Variants in NKAIN2 observed in about 807,000 individuals in gnomAD.
NKAIN2 encodes sodium/potassium-transporting ATPase subunit beta-1-interacting protein 2.
NKAIN2 carries 14 observed loss-of-function variants against 32.6 expected under a neutral mutation model. The observed-to-expected ratio is 0.43, with a 90% CI of 0.28 to 0.67. NKAIN2 has a LOEUF of 0.67. NKAIN2 is among the 30% of genes least tolerant of loss of function. The pLI, the probability that NKAIN2 is intolerant of heterozygous loss-of-function variation, is 0.17. For missense variants in NKAIN2, 198 were observed against 258.3 expected (o/e 0.77, Z 1.60); for synonymous variants, 80 against 87.2 (o/e 0.92, Z 0.46).
intron 1 of NKAIN2, among the ~76,000 whole-genome samples, chr6:124,205,372 T>C (rs967824036): frequency 6.6e-6 from 1 of 150,474 alleles, no homozygotes; most frequent in East Asian, 2.0e-4. Context: ...TAAAAAAAAA[T>C]CTCTTAATTT....
At chr6:124,730,803 C>T (rs923588736) in intron 4 of NKAIN2, among the ~76,000 whole-genome samples, 2 of 151,508 alleles carry the variant, frequency 1.3e-5, no homozygotes, top group Non-Finnish European at 2.9e-5. Flanking sequence ...ATTTTTGCAA[C>T]CTACTCATCT....
At position 124,471,807 on chromosome 6, in the gene NKAIN2, AT is replaced by A. The variant is rs546148235; in HGVS notation, c.273+116466del. Among the ~76,000 whole-genome samples, 835 of 152,250 alleles carry A rather than the reference AT, an allele frequency of 5.5e-3. 14 individuals carry two copies. Among genetic ancestry groups the A allele is most frequent in the African/African-American group, 0.018 (764 of 41,556 alleles). ...TCTATCATATTTGTTTTTACGTATT[AT>A]TTTTTATGCCATTAATTGTATAAGT... On this transcript the variant is annotated intron_variant, in intron 3 of 6. Transcript: ENST00000368417.
chr6:124,324,813 A>T (rs907358473), intron 2 of NKAIN2, among the ~76,000 whole-genome samples: 1 of 152,024 alleles, frequency 6.6e-6, no homozygotes, highest in African/African-American at 2.4e-5. Flanking sequence ...TTTTTTCTAC[A>T]TCAAATGATA....
At chr6:124,065,937 A>G (rs1783151890) in intron 1 of NKAIN2, among the ~76,000 whole-genome samples, 1 of 152,196 alleles carries the variant, frequency 6.6e-6, no homozygotes, top group African/African-American at 2.4e-5. Flanking sequence ...ATAGATACAT[A>G]ATCTACAGTT....
In NKAIN2 at chr6:124,517,502, A is replaced by G. The variant is rs1778959468; in HGVS notation, c.274-140684A>G. On this transcript the variant is annotated intron_variant, in intron 3 of 6. Transcript: ENST00000368417. ...TGCCCTCCACCTCCATCAATGTGCTAATCAGTTTCCTTACTCAGGCTTTAA... is the reference window on the plus strand; with the variant it reads ...TGCCCTCCACCTCCATCAATGTGCTGATCAGTTTCCTTACTCAGGCTTTAA... Among the ~76,000 whole-genome samples, 3 of 152,092 alleles carry G rather than the reference A, an allele frequency of 2.0e-5. No homozygotes were observed. In the South Asian group the frequency reaches 6.2e-4, roughly 32 times the overall value.
Position 124,096,179 on chromosome 6 carries a change from A to T in NKAIN2, c.55-186826A>T, listed in dbSNP as rs188001416. Among the ~76,000 whole-genome samples, 11 of 152,360 alleles carry T rather than the reference A, an allele frequency of 7.2e-5. No individual in the cohort carries two copies. In the East Asian group the frequency reaches 1.7e-3, roughly 24 times the overall value. ...GAACTATTATAACTACAAGATTTTC[A>T]TTGTATTGCATGCAATGTGATGGTC... On this transcript the variant is annotated intron_variant, in intron 1 of 6. Transcript: ENST00000368417.
At chr6:124,364,785 A>G (rs1398532779) in intron 3 of NKAIN2, among the ~76,000 whole-genome samples, 4 of 152,024 alleles carry the variant, frequency 2.6e-5, no homozygotes, top group East Asian at 1.9e-4. Flanking sequence ...GAAAAAGGGA[A>G]TTTTAGGAAG....
intron 1 of NKAIN2, among the ~76,000 whole-genome samples, chr6:124,050,925 A>T (rs1283316685): frequency 6.6e-6 from 1 of 152,062 alleles, no homozygotes; most frequent in East Asian, 1.9e-4. Context: ...TCAAATGCTT[A>T]TTCTTTATTC....
intron 1 of NKAIN2, among the ~76,000 whole-genome samples, chr6:123,906,913 C>A (rs1168009504): frequency 6.6e-6 from 1 of 152,182 alleles, no homozygotes; most frequent in Non-Finnish European, 1.5e-5. Context: ...CATACCACAA[C>A]ATTTACTATA....
intron 3 of NKAIN2, among the ~76,000 whole-genome samples, chr6:124,369,483 T>A (rs976610767): frequency 6.6e-6 from 1 of 152,116 alleles, no homozygotes; most frequent in East Asian, 1.9e-4. Context: ...AGGATGGCTT[T>A]GAGTGTGGCC....
intron 1 of NKAIN2, among the ~76,000 whole-genome samples, chr6:123,903,197 C>A (rs755269177): frequency 6.6e-6 from 1 of 152,160 alleles, no homozygotes; most frequent in Non-Finnish European, 1.5e-5. Context: ...TGTCACGAAA[C>A]CTTTGCCATA....
At chr6:124,739,901 A>G (rs1777121486) in intron 4 of NKAIN2, among the ~76,000 whole-genome samples, 1 of 151,784 alleles carries the variant, frequency 6.6e-6, no homozygotes, top group Non-Finnish European at 1.5e-5. Context: ...TGGCAGGGGG[A>G]AGGTAGAAAG....
intron 3 of NKAIN2, among the ~76,000 whole-genome samples, chr6:124,476,002 A>G (rs1338642466): frequency 1.3e-5 from 2 of 148,552 alleles, no homozygotes; most frequent in Non-Finnish European, 3.0e-5. Context: ...GTGTGTGTGT[A>G]TGTATGTGTG....
chr6:124,796,030 T>C (rs1779981991), intron 5 of NKAIN2, among the ~76,000 whole-genome samples: 1 of 152,190 alleles, frequency 6.6e-6, no homozygotes, highest in Admixed American at 6.5e-5. Flanking sequence ...AGCCACAGTT[T>C]GGCAGGCCAG....
At chr6:124,286,419 T>G (rs1401619775) in intron 2 of NKAIN2, among the ~76,000 whole-genome samples, 1 of 152,108 alleles carries the variant, frequency 6.6e-6, no homozygotes, top group African/African-American at 2.4e-5. Flanking sequence ...ACTATATAAT[T>G]AATAATAACC....
intron 1 of NKAIN2, among the ~76,000 whole-genome samples, chr6:124,226,402 G>A (rs192433476): frequency 2.6e-5 from 4 of 151,980 alleles, no homozygotes; most frequent in Admixed American, 6.6e-5. Context: ...TCCCCTGCTC[G>A]AGTGTTCTAA....
intron 3 of NKAIN2, among the ~76,000 whole-genome samples, chr6:124,412,687 A>G (rs928515281): frequency 6.6e-6 from 1 of 151,950 alleles, no homozygotes; most frequent in African/African-American, 2.4e-5. Context: ...GAGAACCACT[A>G]CTCTCTTCAA....
intron 3 of NKAIN2, among the ~76,000 whole-genome samples, chr6:124,571,031 T>C (rs969150142): frequency 6.6e-6 from 1 of 152,144 alleles, no homozygotes; most frequent in African/African-American, 2.4e-5. Flanking sequence ...GGACATCATT[T>C]TGGAGCTTTA....
chr6:124,475,138 G>A (rs1777148387), intron 3 of NKAIN2, among the ~76,000 whole-genome samples: 2 of 151,800 alleles, frequency 1.3e-5, no homozygotes. Context: ...CCATAAGAGG[G>A]CAACTGATTT....
Sources: gnomAD v4.1 joint callset for allele counts (sites outside exome capture counted in the v4.1 genomes callset) on GRCh38, gnomAD v4.1.1 for gene constraint, MANE v1.5 for transcripts, NCBI Gene and HGNC (gene_info 2026-07-23, HGNC 2026-07-21) for gene names.